Variants in KIF26B observed in about 807,000 individuals in gnomAD.
KIF26B encodes the protein kinesin family member 26B.
A neutral mutation model predicts 151.2 loss-of-function variants in KIF26B; 63 were observed. That is an observed-to-expected ratio of 0.42 (90% CI 0.34 to 0.51). The LOEUF (loss-of-function observed/expected upper bound fraction) is 0.51, where lower values mean the gene tolerates loss of function less well. KIF26B is among the 20% of genes least tolerant of loss of function. The pLI is 0.07. For missense variants in KIF26B, 2,813 were observed against 2,913.6 expected (o/e 0.97, Z 0.79); for synonymous variants, 1,357 against 1,262.1 (o/e 1.08, Z -1.59).
At chr1:245,300,741 C>T (rs1671415568) in intron 2 of KIF26B, among the ~76,000 whole-genome samples, 1 of 151,340 alleles carries the variant, frequency 6.6e-6, no homozygotes, top group South Asian at 2.1e-4. Flanking sequence ...ATTGACCAGG[C>T]TGGTCTCGAG....
chr1:245,514,091 TGTAA>T (rs1231265179), intron 4 of KIF26B, among the ~76,000 whole-genome samples: 4 of 152,188 alleles, frequency 2.6e-5, no homozygotes, highest in African/African-American at 9.7e-5. Flanking sequence ...GAGAGTAGAT[TGTAA>T]GTGTTCTCAC....
At chr1:245,640,122 G>GCTCTCTCTCTCTCTCTCCCTCTCTCT (rs2043874459) in intron 9 of KIF26B, among the ~76,000 whole-genome samples, 1 of 53,974 alleles carries the variant, frequency 1.9e-5, no homozygotes, top group African/African-American at 7.5e-5. Context: ...ACTAATATTT[G>GCTCTCTCTCTCTCTCTCCCTCTCTCT]CTCTCTCTCT....
At chr1:245,383,039 G>GTATATA (rs71998690) in intron 3 of KIF26B, among the ~76,000 whole-genome samples, 4 of 146,214 alleles carry the variant, frequency 2.7e-5, no homozygotes, top group African/African-American at 1.0e-4. Flanking sequence ...ATATGTATAT[G>GTATATA]TATATATATA....
At chr1:245,612,002 C>A in intron 9 of KIF26B, 26 bp downstream of exon 9, 2 of 1,606,342 alleles carry the variant, frequency 1.2e-6, no homozygotes, top group Non-Finnish European at 1.7e-6. Flanking sequence ...CACCCTCCTG[C>A]CTCCTTAGCG....
intron 2 of KIF26B, among the ~76,000 whole-genome samples, chr1:245,302,733 G>A (rs954668019): frequency 3.3e-5 from 5 of 152,126 alleles, no homozygotes; most frequent in African/African-American, 1.2e-4. Flanking sequence ...GCTCACACCT[G>A]TAATCCCAGC....
Position 245,227,383 on chromosome 1 carries a change from A to G in KIF26B, c.465+70700A>G, listed in dbSNP as rs140948133. ...GGTTGATGGGGTAAGCCAGTGTAAC[A>G]TGGAAACCCACTGGCACCTCTGCAT... On this transcript the variant is annotated intron_variant, in intron 2 of 14. Coordinates refer to ENST00000407071, the MANE Select transcript of KIF26B (RefSeq NM_018012.4). This position sits in a 1 kb window ranked among gnomAD's most constrained non-coding sequence, Gnocchi z 4.1. Among the ~76,000 whole-genome samples the G allele has an allele frequency of 4.2e-3, 635 of 152,312 alleles. 3 individuals carry two copies. Among genetic ancestry groups the G allele is most frequent in the Middle Eastern group, 0.02 (6 of 294 alleles).
intron 4 of KIF26B, among the ~76,000 whole-genome samples, chr1:245,518,002 G>C (rs1229953110): frequency 6.6e-6 from 1 of 151,544 alleles, no homozygotes; most frequent in Non-Finnish European, 1.5e-5. Context: ...CTCCCAAGTA[G>C]CTGGGATTAC....
intron 2 of KIF26B, among the ~76,000 whole-genome samples, chr1:245,248,302 C>A (rs1670374270): frequency 6.6e-6 from 1 of 152,162 alleles, no homozygotes; most frequent in Non-Finnish European, 1.5e-5. Flanking sequence ...TGAGAGCCAG[C>A]GTTCAGCACG....
rs1005140764 is a variant in KIF26B at position 245,699,100 on chromosome 1, G to C, written c.6178+63G>C. ...GGTTCACCTGCTCAACCGGGCTGGC[G>C]TGTAGCCCAGGGTGACAGTGACACA... is the stretch of plus-strand genomic sequence containing the variant. On this transcript the variant is annotated intron_variant, in intron 14 of 14. Transcript: ENST00000407071. The C allele has an allele frequency of 3.9e-6, 6 of 1,523,434 alleles. No individual in the cohort carries two copies. In the African/African-American group the frequency reaches 8.2e-5, roughly 21 times the overall value. The allele number at this position is 1,523,434 out of a possible 1,614,324, so 94.4% of individuals were successfully genotyped here.
chr1:245,384,404 A>G lies in KIF26B; in HGVS notation c.999+17037A>G, dbSNP rs186463030. Among the ~76,000 whole-genome samples the G allele has an allele frequency of 2.0e-3, 302 of 152,304 alleles. 3 individuals are homozygous for G. Among genetic ancestry groups the G allele is most frequent in the Non-Finnish European group, 1.3e-4 (9 of 68,032 alleles). On this transcript the variant is annotated intron_variant, in intron 3 of 14. Transcript: ENST00000407071. ...GCTTCATAACATTCCTATGAAGTAA[A>G]TTATTCCCATTTTAATTAGTTAGTT... is the stretch of plus-strand genomic sequence containing the variant.
intron 12 of KIF26B, among the ~76,000 whole-genome samples, 176 bp from the exon 13 acceptor site, chr1:245,697,930 A>G (rs1235019432): frequency 2.0e-5 from 3 of 149,556 alleles, no homozygotes; most frequent in Non-Finnish European, 4.5e-5. Context: ...TATCCCAACT[A>G]CTTAGGAGGC....
intron 12 of KIF26B, among the ~76,000 whole-genome samples, chr1:245,694,589 G>T (rs1050990675): frequency 2.0e-5 from 3 of 152,172 alleles, no homozygotes; most frequent in African/African-American, 7.2e-5. Flanking sequence ...AAGAGTAGAA[G>T]GCCCAATGTC....
At position 245,367,499 on chromosome 1, in the gene KIF26B, A is replaced by C; in HGVS notation, c.999+132A>C. ...AGCCCAGTGTTTCCATGTGGCCCCC[A>C]CAGAGTTCTCATCAAGGTGCCCCAC... On this transcript the variant is annotated intron_variant, in intron 3 of 14. Transcript: ENST00000407071. The surrounding 1 kb of genome is among the most constrained non-coding windows in gnomAD (Gnocchi z 4.2). The C allele has an allele frequency of 2.2e-6, 2 of 895,300 alleles. No individual in the cohort carries two copies. Among genetic ancestry groups the C allele is most frequent in the East Asian group, 2.7e-5 (1 of 37,654 alleles). The allele number at this position is 895,300 out of a possible 1,614,324, so 55.5% of individuals were successfully genotyped here. A position where few individuals can be genotyped will look rare whatever the true frequency, so the allele number is the denominator to read the frequency against.
intron 2 of KIF26B, among the ~76,000 whole-genome samples, chr1:245,221,143 A>G (rs1669758371): frequency 1.3e-5 from 2 of 152,016 alleles, no homozygotes. Context: ...CTCCCTCTCC[A>G]ATCTTAAGAA....
chr1:245,522,885 G>A (rs1405188165), intron 4 of KIF26B, among the ~76,000 whole-genome samples: 1 of 152,200 alleles, frequency 6.6e-6, no homozygotes, highest in Non-Finnish European at 1.5e-5. Context: ...CATATTCTAA[G>A]AAGCTGCTAA....
chr1:245,422,279 A>G (rs1658508180), intron 4 of KIF26B, among the ~76,000 whole-genome samples: 1 of 151,954 alleles, frequency 6.6e-6, no homozygotes, highest in East Asian at 1.9e-4. Context: ...CTTTCTATAG[A>G]TTTCCCCCCC....
chr1:245,441,824 G>T (rs1347096210), intron 4 of KIF26B, among the ~76,000 whole-genome samples: 1 of 152,178 alleles, frequency 6.6e-6, no homozygotes. Context: ...AGTAAAGTCC[G>T]TCAAGGGCCT....
Position 245,609,319 on chromosome 1 carries a change from A to G in KIF26B, c.1705A>G (p.Ile569Val), listed in dbSNP as rs954521470. The change falls in exon 8 of 15, where the codon ATT becomes GTT. Residue 569 changes from isoleucine (I) to valine (V), a missense_variant. Ile to Val is a conservative substitution (Grantham distance 29). Transcript: ENST00000407071. Reference protein sequence around the residue: ...KDDSMQNLGIIPCAISWLFKL... With the variant: ...KDDSMQNLGIVPCAISWLFKL... The stretch of plus-strand genomic sequence containing the variant: ...TGATTCCATGCAGAACCTGGGCATC[A>G]TTCCCTGTGCCATCTCTTGGCTCTT... The G allele has an allele frequency of 6.2e-7, 1 of 1,611,142 alleles. No individual in the cohort carries two copies. Among genetic ancestry groups the G allele is most frequent in the Non-Finnish European group, 8.5e-7 (1 of 1,178,710 alleles).
chr1:245,292,405 A>T (rs765505661), intron 2 of KIF26B, among the ~76,000 whole-genome samples: 2 of 152,038 alleles, frequency 1.3e-5, no homozygotes, highest in Non-Finnish European at 2.9e-5. Context: ...GCAAGGCGGC[A>T]GAGGGGCTCA....
Sources: allele counts gnomAD v4.1 joint callset (sites outside exome capture counted in the v4.1 genomes callset), GRCh38; gene constraint gnomAD v4.1.1; non-coding constraint Gnocchi (gnomAD v3.1); transcripts MANE v1.5; gene names NCBI Gene and HGNC (gene_info 2026-07-23, HGNC 2026-07-21).